The following CAMKK2 variants were observed in gnomAD, a reference collection of about 807,000 sequenced individuals.
CAMKK2 encodes the protein calcium/calmodulin dependent protein kinase kinase 2.
A neutral mutation model predicts 67.2 loss-of-function variants in CAMKK2; 30 were observed. The ratio of observed to expected loss-of-function variants is 0.45; its 90% CI spans 0.33 to 0.61. CAMKK2 has a LOEUF of 0.61. Among genes scored for constraint, CAMKK2 ranks in the 20% least tolerant of loss-of-function variants. CAMKK2 has a pLI of 0.02. For synonymous variants in CAMKK2, 322 were observed against 326.2 expected (o/e 0.99, Z 0.14); for missense variants, 643 against 802.0 (o/e 0.80, Z 2.39).
At chr12:121,262,877 TAATA>T (rs1394744788) in intron 6 of CAMKK2, among the ~76,000 whole-genome samples, 1 of 152,188 alleles carries the variant, frequency 6.6e-6, no homozygotes, top group Non-Finnish European at 1.5e-5. Flanking sequence ...TTTAAATAAT[TAATA>T]GTTTAAATTT....
At chr12:121,260,267 T>A in intron 7 of CAMKK2, 52 bp downstream of exon 7, 1 of 1,508,374 alleles carries the variant, frequency 6.6e-7, no homozygotes, top group Non-Finnish European at 9.0e-7. Flanking sequence ...CCCCTGGGCA[T>A]TGGCAGGTGT....
chr12:121,280,489 C>A (rs1897565149), intron 1 of CAMKK2, among the ~76,000 whole-genome samples: 2 of 152,314 alleles, frequency 1.3e-5, no homozygotes, highest in Middle Eastern at 6.8e-3. Context: ...TAACAGCAAT[C>A]GTTCAGGGAA....
rs1888206627 is a variant in CAMKK2, at chr12:121,240,735, A to ATGCATG, written c.1725_1730dup (p.Met576_His577dup). On this transcript the variant is annotated inframe_insertion, in exon 17 of 17. Transcript: ENST00000404169. The surrounding 1 kb of genome is among the most constrained non-coding windows in gnomAD (Gnocchi z 4.4). The stretch of plus-strand genomic sequence containing the variant: ...CCATGGCCTCCTCCGGCCGCAGTGG[A>ATGCATG]TGCATGCGTGCGGGGGAGCCGGGGG... 16 of 1,608,820 alleles carry ATGCATG rather than the reference A, an allele frequency of 9.9e-6. No individual in the cohort carries two copies. Among genetic ancestry groups the ATGCATG allele is most frequent in the Non-Finnish European group, 1.4e-5 (16 of 1,179,082 alleles).
chr12:121,256,834 C>T (rs546713787), intron 7 of CAMKK2, among the ~76,000 whole-genome samples: 1 of 152,226 alleles, frequency 6.6e-6, no homozygotes, highest in African/African-American at 2.4e-5. Flanking sequence ...TGTTTCTACT[C>T]TTTGGCTGTT....
At chr12:121,263,778 T>G (rs935086975) in intron 6 of CAMKK2, 28 bp downstream of exon 6, 6 of 1,577,138 alleles carry the variant, frequency 3.8e-6, no homozygotes, top group Non-Finnish European at 5.2e-6. Flanking sequence ...AGGGCCTCCC[T>G]CCCTCCTGGG....
rs1387091861 is a variant in CAMKK2 at position 121,238,669 on chromosome 12, C to T, written c.*2030G>A. 2.0e-5 allele frequency: 3 copies of T among 152,646 alleles called. No homozygotes were observed. The highest frequency in any genetic ancestry group is 4.4e-5 in the Non-Finnish European group (3 of 68,082). The allele number at this position is 152,646 out of a possible 1,614,324, so 9.5% of individuals were successfully genotyped here. ...GGAAGAAATCTTAGATGGAAGGTTC[C>T]GTGGTGGGGAGAAATGGCATTGTCT... On this transcript the variant is annotated 3_prime_UTR_variant, in exon 17 of 17. Coordinates refer to ENST00000404169, the MANE Select transcript of CAMKK2 (RefSeq NM_001270485.2).
At chr12:121,290,418 T>A (rs889708983) in intron 1 of CAMKK2, among the ~76,000 whole-genome samples, 1 of 152,234 alleles carries the variant, frequency 6.6e-6, no homozygotes. Flanking sequence ...CTGGTTGTAA[T>A]GGCTGACAAC....
At chr12:121,281,210 G>A (rs572756935) in intron 1 of CAMKK2, among the ~76,000 whole-genome samples, 65 of 152,352 alleles carry the variant, frequency 4.3e-4, no homozygotes, top group African/African-American at 1.4e-3. Flanking sequence ...CGCTAGACGC[G>A]GGCCTCCAGG....
intron 1 of CAMKK2, among the ~76,000 whole-genome samples, 180 bp from the exon 2 acceptor site, chr12:121,274,765 C>T (rs1459174738): frequency 1.3e-5 from 2 of 150,528 alleles, no homozygotes; most frequent in African/African-American, 2.4e-5. Context: ...GAGTCTGCAT[C>T]TTCTTATATT....
intron 1 of CAMKK2, among the ~76,000 whole-genome samples, chr12:121,290,233 C>G (rs565983038): frequency 6.6e-6 from 1 of 152,188 alleles, no homozygotes; most frequent in Non-Finnish European, 1.5e-5. Context: ...GCTTTCTGGG[C>G]GGGTATTCCT....
Position 121,269,711 on chromosome 12 carries a change from C to T in CAMKK2, c.520-130G>A, listed in dbSNP as rs1895339399. 3 of 714,440 alleles carry T rather than the reference C, an allele frequency of 4.2e-6. No homozygotes were observed. The East Asian group carries it at 8.1e-5, about 19-fold the overall frequency. The allele number at this position is 714,440 out of a possible 1,614,324, so 44.3% of individuals were successfully genotyped here. On this transcript the variant is annotated intron_variant, in intron 3 of 16. Coordinates refer to ENST00000404169, the MANE Select transcript of CAMKK2 (RefSeq NM_001270485.2). Reference sequence around the variant, plus strand: ...GTCCCGCAACTGTATTTTGTTGGAGCCCAGGTTTTTACAAAGTTTGGATTA... The same window carrying T: ...GTCCCGCAACTGTATTTTGTTGGAGTCCAGGTTTTTACAAAGTTTGGATTA...
At chr12:121,297,674 C>T, upstream of CAMKK2, 1 of 518,166 alleles carries the variant, frequency 1.9e-6, no homozygotes, top group Non-Finnish European at 3.9e-6. Context: ...GTCTCACTGA[C>T]CCTGCCAAAC....
rs1446830191 is a variant in CAMKK2, at chr12:121,274,299, G to C, written c.228C>G (p.Ala76=). The C allele has an allele frequency of 9.3e-6, 15 of 1,612,170 alleles. No individual in the cohort carries two copies. The highest frequency in any genetic ancestry group is 1.2e-5 in the Non-Finnish European group (14 of 1,179,156). ...LGLARDRPLE[A]DGQEVPLDTS... ...TGTCAAGGGGGACCTCTTGGCCATCGGCCTCCAGGGGCCGGTCCCGCGCCA... is the reference window on the plus strand; with the variant it reads ...TGTCAAGGGGGACCTCTTGGCCATCCGCCTCCAGGGGCCGGTCCCGCGCCA... The change falls in exon 2 of 17, where the codon GCC becomes GCG. Residue 76 remains alanine, a synonymous_variant. Coordinates refer to ENST00000404169, the MANE Select transcript of CAMKK2 (RefSeq NM_001270485.2).
At chr12:121,293,101 C>T (rs1393958515) in intron 1 of CAMKK2, among the ~76,000 whole-genome samples, 1 of 152,022 alleles carries the variant, frequency 6.6e-6, no homozygotes, top group African/African-American at 2.4e-5. Flanking sequence ...CATGGTGAAA[C>T]CCCGTTTCTA....
intron 1 of CAMKK2, among the ~76,000 whole-genome samples, chr12:121,292,165 G>A (rs768796766): frequency 2.7e-5 from 4 of 150,232 alleles, no homozygotes; most frequent in Non-Finnish European, 5.9e-5. Context: ...TTGCTTTGTC[G>A]CCCAGGCAGG....
intron 2 of CAMKK2, among the ~76,000 whole-genome samples, chr12:121,273,764 G>A (rs1227077252): frequency 1.3e-5 from 2 of 152,106 alleles, no homozygotes; most frequent in African/African-American, 2.4e-5. Flanking sequence ...GCTCTGTGCT[G>A]TTCCCCAGGG....
intron 7 of CAMKK2, among the ~76,000 whole-genome samples, chr12:121,258,004 T>C (rs1422905244): frequency 6.7e-6 from 1 of 148,792 alleles, no homozygotes; most frequent in Non-Finnish European, 1.5e-5. Context: ...CCTCTAGAAA[T>C]AGAGATCGAG....
At chr12:121,290,981 G>A (rs539020660) in intron 1 of CAMKK2, among the ~76,000 whole-genome samples, 13 of 152,238 alleles carry the variant, frequency 8.5e-5, no homozygotes, top group East Asian at 1.9e-4. Flanking sequence ...CAACACACCC[G>A]GCTAATTTTT....
chr12:121,273,598 C>T (rs1241578900), intron 2 of CAMKK2, among the ~76,000 whole-genome samples: 1 of 152,094 alleles, frequency 6.6e-6, no homozygotes, highest in Non-Finnish European at 1.5e-5. Flanking sequence ...ATCACACCTT[C>T]GCCCACACCT....
Sources: gnomAD v4.1 joint callset for allele counts (sites outside exome capture counted in the v4.1 genomes callset) on GRCh38, gnomAD v4.1.1 for gene constraint, Gnocchi (gnomAD v3.1) non-coding constraint, MANE v1.5 for transcripts, NCBI Gene and HGNC (gene_info 2026-07-23, HGNC 2026-07-21) for gene names.